Variants in CACNA1E observed in about 807,000 individuals in gnomAD.
The protein encoded by CACNA1E is calcium voltage-gated channel subunit alpha1 E, also known as voltage-dependent R-type calcium channel subunit alpha-1E.
In CACNA1E, 40 loss-of-function variants were observed where a neutral mutation model predicts 259.2. That is an observed-to-expected ratio of 0.15 (90% CI 0.12 to 0.20). The LOEUF is 0.20. Ranked by LOEUF, CACNA1E falls within the 10% of genes least tolerant of loss-of-function variation. The pLI is 1.00. For synonymous variants in CACNA1E, 1,104 were observed against 1,138.5 expected (o/e 0.97, Z 0.61); for missense variants, 1,874 against 3,040.1 (o/e 0.62, Z 9.02).
At chr1:181,474,091 C>CT (rs140901385) in intron 2 of CACNA1E, among the ~76,000 whole-genome samples, 3 of 151,918 alleles carry the variant, frequency 2.0e-5, no homozygotes, top group Admixed American at 6.6e-5. Flanking sequence ...GTCCATTTTT[C>CT]TTTTTTTTAC....
chr1:181,599,003 G>T (rs969942733), intron 6 of CACNA1E, among the ~76,000 whole-genome samples: 3 of 151,606 alleles, frequency 2.0e-5, no homozygotes, highest in African/African-American at 7.3e-5. Flanking sequence ...ATGCAGGTTT[G>T]TTACATAGGT....
chr1:181,340,671 T>C (rs1021839799), intron 1 of CACNA1E, among the ~76,000 whole-genome samples: 2 of 152,210 alleles, frequency 1.3e-5, no homozygotes, highest in Non-Finnish European at 2.9e-5. Flanking sequence ...GTTTTTATTT[T>C]TTATTACAGG....
rs1170494441 is a variant in CACNA1E, at chr1:181,737,579, C to A, written c.3477C>A (p.Ile1159=). ...IVNLRYFEMC[I]LLVIAASSIA... is the part of the protein sequence containing the mutation. ...ACCTGCGCTACTTTGAGATGTGCAT[C>A]CTCCTGGTGATTGCAGCCAGCAGCA... Residue 1159 remains isoleucine (I), a synonymous_variant, in exon 23 of 48, where the codon ATC becomes ATA. Transcript: ENST00000367573. 1 of 1,613,990 alleles carries A rather than the reference C, an allele frequency of 6.2e-7. No individual in the cohort carries two copies. The highest frequency in any genetic ancestry group is 8.5e-7 in the Non-Finnish European group (1 of 1,179,878).
At chr1:181,503,098 G>A (rs142278374) in intron 1 of CACNA1E, among the ~76,000 whole-genome samples, 1 of 152,362 alleles carries the variant, frequency 6.6e-6, no homozygotes, top group African/African-American at 2.4e-5. Context: ...CTAGGAAGGT[G>A]AGGAAGACCA....
chr1:181,712,407 T>G (rs1653463034), intron 8 of CACNA1E, among the ~76,000 whole-genome samples: 1 of 151,972 alleles, frequency 6.6e-6, no homozygotes, highest in Admixed American at 6.6e-5. Flanking sequence ...AAATTTGGAG[T>G]ATGATTTAGT....
chr1:181,776,049 T>G lies in CACNA1E; in HGVS notation c.5140-52T>G. 237 of 1,557,448 alleles carry G rather than the reference T, an allele frequency of 1.5e-4. No homozygotes were observed. The highest frequency in any genetic ancestry group is 1.9e-4 in the Non-Finnish European group (218 of 1,143,714). On this transcript the variant is annotated intron_variant, in intron 37 of 47. Transcript: ENST00000367573. The surrounding 1 kb of genome is among the most constrained non-coding windows in gnomAD (Gnocchi z 4.4). ...CCCTGAAGCCTGTTCTTCTGCTTCC[T>G]GAGCTCTGCTTTAGGTTTCCCCTAA...
chr1:181,455,200 A>G (rs1452535255), intron 2 of CACNA1E, among the ~76,000 whole-genome samples: 1 of 152,164 alleles, frequency 6.6e-6, no homozygotes, highest in African/African-American at 2.4e-5. Context: ...GCCACATTAT[A>G]TTGGTTTCTT....
chr1:181,803,037 T>C lies in CACNA1E; in HGVS notation c.*4203T>C, dbSNP rs1662386961. On this transcript the variant is annotated 3_prime_UTR_variant, in exon 48 of 48. Coordinates refer to ENST00000367573, the MANE Select transcript of CACNA1E (RefSeq NM_001205293.3). ...GGTTAAGGAATTTTTACTGCTATTT[T>C]TGTTCATCAGTTTCATGTCTGTTAT... 6.6e-6 allele frequency: 1 copy of C among 152,190 alleles called. No homozygotes were observed. The highest frequency in any genetic ancestry group is 1.5e-5 in the Non-Finnish European group (1 of 68,044). 9.4% of individuals were successfully genotyped at this position (152,190 alleles called of 1,614,324 possible). A position where few individuals can be genotyped will look rare whatever the true frequency, so the allele number is the denominator to read the frequency against.
At chr1:181,318,596 C>T (rs1384443019) in intron 1 of CACNA1E, among the ~76,000 whole-genome samples, 1 of 152,194 alleles carries the variant, frequency 6.6e-6, no homozygotes, top group Non-Finnish European at 1.5e-5. Flanking sequence ...TTCCATGCCT[C>T]CGGGCGCGGG....
Position 181,757,935 on chromosome 1 carries a change from A to C in CACNA1E, c.4330-12A>C, listed in dbSNP as rs1658233262. 1.2e-6 allele frequency: 2 copies of C among 1,613,306 alleles called. No homozygotes were observed. The highest frequency in any genetic ancestry group is 2.2e-5 in the South Asian group (2 of 91,008). On this transcript the variant is annotated splice_polypyrimidine_tract_variant and intron_variant, in intron 30 of 47. Coordinates refer to ENST00000367573, the MANE Select transcript of CACNA1E (RefSeq NM_001205293.3). Reference sequence around the variant, plus strand: ...ATTTGAATTTGTGCTAATAACCATGACTTTCTTGCAGAGGGCGTGCATCGA... The same window carrying C: ...ATTTGAATTTGTGCTAATAACCATGCCTTTCTTGCAGAGGGCGTGCATCGA...
At position 181,650,788 on chromosome 1, in the gene CACNA1E, C is replaced by A. The variant is rs75633376; in HGVS notation, c.952-550C>A. 7.8e-3 allele frequency among the ~76,000 whole-genome samples: 1,195 copies of A among 152,266 alleles called. 18 individuals carry two copies. Among genetic ancestry groups the A allele is most frequent in the African/African-American group, 0.028 (1,144 of 41,534 alleles). ...GATTTATTCCTTGTTCTGGCCAGAG[C>A]CTTGCTGGGGCCAAGCCTGGGCCAG... On this transcript the variant is annotated intron_variant, in intron 6 of 47. Coordinates refer to ENST00000367573, the MANE Select transcript of CACNA1E (RefSeq NM_001205293.3).
At chr1:181,391,943 CTCTG>C (rs770697506) in intron 1 of CACNA1E, among the ~76,000 whole-genome samples, 3,600 of 124,832 alleles carry the variant, frequency 0.029, 144 homozygotes, top group African/African-American at 0.12. Flanking sequence ...CTCTCTCTCT[CTCTG>C]TGTGTGTGTG....
chr1:181,737,630 C>T lies in CACNA1E; in HGVS notation c.3528C>T (p.Val1176=), dbSNP rs1031046399. ...TCGCCCTGGCGGCAGAGGACCCCGTCCTGACCAACTCGGAGCGCAACAAAG... is the reference window on the plus strand; with the variant it reads ...TCGCCCTGGCGGCAGAGGACCCCGTTCTGACCAACTCGGAGCGCAACAAAG... ...SSIALAAEDP[V]LTNSERNKVL... Residue 1176 remains valine, a synonymous_variant, in exon 23 of 48, where the codon GTC becomes GTT. Coordinates refer to ENST00000367573, the MANE Select transcript of CACNA1E (RefSeq NM_001205293.3). 2.5e-6 allele frequency: 4 copies of T among 1,613,894 alleles called. No homozygotes were observed. The African/African-American group carries it at 5.3e-5, about 22-fold the overall frequency.
intron 3 of CACNA1E, among the ~76,000 whole-genome samples, chr1:181,562,387 C>CT (rs567460531): frequency 1.3e-5 from 2 of 152,100 alleles, no homozygotes; most frequent in Non-Finnish European, 2.9e-5. Flanking sequence ...TGCTATGGAA[C>CT]TTTTTTTCAT....
intron 7 of CACNA1E, among the ~76,000 whole-genome samples, chr1:181,674,025 G>A: frequency 6.6e-6 from 1 of 151,898 alleles, no homozygotes. Context: ...CAAGAGTCTG[G>A]AGCTTTTATG....
Position 181,710,838 on chromosome 1 carries a change from T to C in CACNA1E, c.1056-116T>C, listed in dbSNP as rs1174830810. ...TTGCAGCCTGGGTCAGGGGAAAGGG[T>C]ACATGGGCTTAATAGAGGTACTTGC... On this transcript the variant is annotated intron_variant, in intron 7 of 47. Transcript: ENST00000367573. 3 of 721,180 alleles carry C rather than the reference T, an allele frequency of 4.2e-6. No homozygotes were observed. In the East Asian group the frequency reaches 7.8e-5, roughly 19 times the overall value. The allele number at this position is 721,180 out of a possible 1,614,324, so 44.7% of individuals were successfully genotyped here.
intron 6 of CACNA1E, among the ~76,000 whole-genome samples, chr1:181,647,880 G>A (rs73059771): frequency 0.052 from 7,910 of 152,248 alleles, 257 homozygotes; most frequent in African/African-American, 0.088. Context: ...TGAAACAGGA[G>A]GGAGAGGAGC....
rs1381603725 is a variant in CACNA1E at position 181,542,746 on chromosome 1, T to C, written c.512+31236T>C. Among the ~76,000 whole-genome samples, 3 of 151,974 alleles carry C rather than the reference T, an allele frequency of 2.0e-5. No homozygotes were observed. The East Asian group carries it at 5.8e-4, about 29-fold the overall frequency. The stretch of plus-strand genomic sequence containing the variant: ...TTACCCAGTCCCGAGCAGTTCTTTA[T>C]AGCAGTATGAAATCGGACTAATACA... On this transcript the variant is annotated intron_variant, in intron 3 of 47. Coordinates refer to ENST00000367573, the MANE Select transcript of CACNA1E (RefSeq NM_001205293.3).
chr1:181,790,609 C>A, intron 44 of CACNA1E, 53 bp downstream of exon 44: 1 of 1,103,208 alleles, frequency 9.1e-7, no homozygotes, highest in Non-Finnish European at 1.4e-6. Flanking sequence ...TTCCTGATCC[C>A]TCTCACTAAT....
Sources: gnomAD v4.1 joint callset for allele counts (sites outside exome capture counted in the v4.1 genomes callset) on GRCh38, gnomAD v4.1.1 for gene constraint, Gnocchi (gnomAD v3.1) non-coding constraint, MANE v1.5 for transcripts, NCBI Gene and HGNC (gene_info 2026-07-23, HGNC 2026-07-21) for gene names.